The following ART1 variants were observed in gnomAD, a reference collection of about 807,000 sequenced individuals.
ART1 encodes ADP-ribosyltransferase 1, also known as GPI-linked NAD(P)(+)--arginine ADP-ribosyltransferase 1.
In ART1, 29 loss-of-function variants were observed where a neutral mutation model predicts 27.0. That is an observed-to-expected ratio of 1.08 (90% CI 0.80 to 1.47). ART1 has a LOEUF of 1.47. ART1 is among the 40% of genes most tolerant of loss of function. The probability of loss-of-function intolerance (pLI) is 0.00; values close to 1 mark genes in which losing one functional copy is unlikely to be tolerated. For missense variants in ART1, 480 were observed against 423.0 expected (o/e 1.13, Z -1.18); for synonymous variants, 201 against 172.2 (o/e 1.17, Z -1.31).
At chr11:3,647,818 A>G (rs1042601382) in intron 1 of ART1, among the ~76,000 whole-genome samples, 6 of 151,896 alleles carry the variant, frequency 4.0e-5, no homozygotes, top group African/African-American at 1.5e-4. Flanking sequence ...TATACCAATT[A>G]TACTTCAATG....
chr11:3,653,166 A>G (rs1325373053), intron 1 of ART1, among the ~76,000 whole-genome samples: 1 of 148,360 alleles, frequency 6.7e-6, no homozygotes, highest in African/African-American at 2.6e-5. Context: ...AAAAATTTTC[A>G]CCGTCCCAAC....
chr11:3,660,704 C>A (rs531406237), intron 3 of ART1, among the ~76,000 whole-genome samples: 17 of 152,302 alleles, frequency 1.1e-4, no homozygotes, highest in African/African-American at 4.1e-4. Context: ...TATTTTCCAG[C>A]CAGATTATTG....
Position 3,659,637 on chromosome 11 carries a change from G to C in ART1, c.118G>C (p.Asp40His). The change falls in exon 3 of 5, where the codon GAC (aspartate) becomes CAC (histidine). Residue 40 changes from aspartate (D) to histidine (H), a missense_variant. Coordinates refer to ENST00000250693, the MANE Select transcript of ART1 (RefSeq NM_004314.3). ...RDLFSQEIQLDMALASFDDQY... is the reference protein window; with the variant it reads ...RDLFSQEIQLHMALASFDDQY... ...CCTCTTCTCTCAAGAGATTCAGCTG[G>C]ACATGGCCCTGGCCTCCTTTGATGA... The C allele has an allele frequency of 6.2e-7, 1 of 1,613,354 alleles. No homozygotes were observed.
chr11:3,652,329 A>G (rs2077530290), intron 1 of ART1, among the ~76,000 whole-genome samples: 1 of 150,272 alleles, frequency 6.7e-6, no homozygotes, highest in Non-Finnish European at 1.5e-5. Flanking sequence ...ACCTCTATAC[A>G]GTCTGAAAAC....
chr11:3,663,137 A>T (rs1273551403), intron 4 of ART1, among the ~76,000 whole-genome samples: 1 of 144,854 alleles, frequency 6.9e-6, no homozygotes. Flanking sequence ...ATCTCATCTC[A>T]TCTCATCATC....
chr11:3,662,810 C>T (rs1261098367), intron 4 of ART1, among the ~76,000 whole-genome samples: 3 of 152,212 alleles, frequency 2.0e-5, no homozygotes, highest in African/African-American at 4.8e-5. Flanking sequence ...TGCCATTGCA[C>T]TCCAGCCTGG....
At chr11:3,652,381 G>C (rs2077530962) in intron 1 of ART1, among the ~76,000 whole-genome samples, 1 of 148,836 alleles carries the variant, frequency 6.7e-6, no homozygotes, top group Non-Finnish European at 1.5e-5. Flanking sequence ...CAGTTTTTCA[G>C]GCTCTTAGTA....
chr11:3,659,281 G>C lies in ART1; in HGVS notation c.63+5G>C. ...GGCCTCATGGAAGCACTTCAGGTAT[G>C]GGCATCCCCCACTGTTCCCACCCCA... is the stretch of plus-strand genomic sequence containing the variant. On this transcript the variant is annotated splice_donor_5th_base_variant and intron_variant, in intron 2 of 4. Coordinates refer to ENST00000250693, the MANE Select transcript of ART1 (RefSeq NM_004314.3). The C allele has an allele frequency of 6.2e-7, 1 of 1,614,112 alleles. No individual in the cohort carries two copies. Among genetic ancestry groups the C allele is most frequent in the Non-Finnish European group, 8.5e-7 (1 of 1,180,024 alleles).
intron 1 of ART1, among the ~76,000 whole-genome samples, chr11:3,658,891 C>T (rs1390898978): frequency 6.6e-6 from 1 of 152,126 alleles, no homozygotes; most frequent in Non-Finnish European, 1.5e-5. Flanking sequence ...TTTTCCATTC[C>T]TGCTGCACAA....
intron 4 of ART1, 77 bp downstream of exon 4, chr11:3,661,490 C>CTT (rs530856927): frequency 0.027 from 8,595 of 315,912 alleles, 50 homozygotes; most frequent in East Asian, 0.047. Flanking sequence ...TCACCTCGAT[C>CTT]TTTTTTTTTT....
At chr11:3,648,625 G>C (rs61878503) in intron 1 of ART1, among the ~76,000 whole-genome samples, 6 of 152,130 alleles carry the variant, frequency 3.9e-5, no homozygotes, top group African/African-American at 1.2e-4. Context: ...CCAAAACTCC[G>C]GCGCCGGTCA....
At chr11:3,653,614 T>C (rs1466120084) in intron 1 of ART1, among the ~76,000 whole-genome samples, 1 of 152,202 alleles carries the variant, frequency 6.6e-6, no homozygotes, top group Non-Finnish European at 1.5e-5. Context: ...TGTTTGGTGG[T>C]CTCTTCACAC....
intron 1 of ART1, among the ~76,000 whole-genome samples, chr11:3,652,823 C>G (rs1241036385): frequency 2.0e-5 from 3 of 151,140 alleles, no homozygotes; most frequent in African/African-American, 7.4e-5. Flanking sequence ...ACTCTAAACT[C>G]TTGAAGTAAA....
intron 1 of ART1, among the ~76,000 whole-genome samples, chr11:3,653,801 C>A (rs575626398): frequency 1.8e-4 from 26 of 147,682 alleles, no homozygotes; most frequent in African/African-American, 5.3e-4. Flanking sequence ...CTCTGTCTAT[C>A]CTCACTGCCA....
chr11:3,655,035 C>T (rs1244146933), intron 1 of ART1, among the ~76,000 whole-genome samples: 1 of 152,202 alleles, frequency 6.6e-6, no homozygotes, highest in African/African-American at 2.4e-5. Context: ...AACATTTACT[C>T]CCAGGCTCAT....
intron 1 of ART1, among the ~76,000 whole-genome samples, chr11:3,648,425 G>A (rs539077234): frequency 1.6e-4 from 24 of 152,196 alleles, no homozygotes; most frequent in South Asian, 1.2e-3. Context: ...ACCGACCAGC[G>A]CAAGAAATAT....
chr11:3,648,655 T>A (rs1039368796), intron 1 of ART1, among the ~76,000 whole-genome samples: 2 of 152,184 alleles, frequency 1.3e-5, no homozygotes, highest in African/African-American at 4.8e-5. Context: ...AAGGCAGCCT[T>A]CCCTTGGTGT....
At position 3,660,344 on chromosome 11, in the gene ART1, C is replaced by T; in HGVS notation, c.825C>T (p.Tyr275=). ...GAGCCCTGGGCAAGCACAGCACCTA[C>T]AACTGCGAGTACATCAAAGGTAGGA... ...YLRALGKHST[Y]NCEYIKDKKC... The change falls in exon 3 of 5, where the codon TAC becomes TAT. Residue 275 remains tyrosine, a synonymous_variant. Transcript: ENST00000250693. 1.2e-6 allele frequency: 2 copies of T among 1,602,874 alleles called. No homozygotes were observed. The highest frequency in any genetic ancestry group is 1.7e-6 in the Non-Finnish European group (2 of 1,179,254).
intron 1 of ART1, among the ~76,000 whole-genome samples, chr11:3,657,375 G>C (rs1401353410): frequency 6.6e-6 from 1 of 152,160 alleles, no homozygotes; most frequent in Non-Finnish European, 1.5e-5. Flanking sequence ...AGGAATTCGA[G>C]ATCAGCCTGG....
Sources: allele counts gnomAD v4.1 joint callset (sites outside exome capture counted in the v4.1 genomes callset), GRCh38; gene constraint gnomAD v4.1.1; transcripts MANE v1.5; gene names NCBI Gene and HGNC (gene_info 2026-07-23, HGNC 2026-07-21).